The following GTF2F2 variants were observed in gnomAD, a reference collection of about 807,000 sequenced individuals.
The protein encoded by GTF2F2 is general transcription factor IIF subunit 2.
Under a neutral mutation model 42.2 loss-of-function variants are expected in GTF2F2, and 23 were observed. That is an observed-to-expected ratio of 0.55 (90% CI 0.39 to 0.77). The LOEUF (loss-of-function observed/expected upper bound fraction) is 0.77, where lower values mean the gene tolerates loss of function less well. Ranked by LOEUF, GTF2F2 falls within the 30% of genes least tolerant of loss-of-function variation. The pLI, the probability that GTF2F2 is intolerant of heterozygous loss-of-function variation, is 0.00. For synonymous variants in GTF2F2, 105 were observed against 100.8 expected (o/e 1.04, Z -0.25); for missense variants, 261 against 287.2 (o/e 0.91, Z 0.66).
In GTF2F2 at chr13:45,141,704, C is replaced by T. The variant is rs546964456; in HGVS notation, c.140+4898C>T. Among the ~76,000 whole-genome samples, 3 of 151,442 alleles carry T rather than the reference C, an allele frequency of 2.0e-5. No individual in the cohort carries two copies. The East Asian group carries it at 5.8e-4, about 29-fold the overall frequency. ...TAATACCTACTTTCTTGTTTTTTTTCCTTTAAAATTTTTACAAAATGAAAA... is the reference window on the plus strand; with the variant it reads ...TAATACCTACTTTCTTGTTTTTTTTTCTTTAAAATTTTTACAAAATGAAAA... On this transcript the variant is annotated intron_variant, in intron 2 of 7. Coordinates refer to ENST00000340473, the MANE Select transcript of GTF2F2 (RefSeq NM_004128.3).
intron 4 of GTF2F2, chr13:45,194,701 T>C (rs1293358414): frequency 3.8e-6 from 3 of 789,830 alleles, no homozygotes; most frequent in East Asian, 5.1e-5. Context: ...TCGCCTGCGC[T>C]GTCAGCTCGG....
At chr13:45,245,684 TATATATATATATATATACATATAC>T (rs1427763447) in intron 5 of GTF2F2, among the ~76,000 whole-genome samples, 75 of 69,792 alleles carry the variant, frequency 1.1e-3, no homozygotes, top group African/African-American at 2.4e-3. Flanking sequence ...TATATATATA[TATATATATATATATATACATATAC>T]ATACACACAC....
At chr13:45,147,979 G>T (rs540410881) in intron 2 of GTF2F2, among the ~76,000 whole-genome samples, 79 of 152,224 alleles carry the variant, frequency 5.2e-4, no homozygotes, top group African/African-American at 1.9e-3. Context: ...TGTTTTATTT[G>T]TAGTTGTTTA....
chr13:45,143,458 T>C (rs890410726), intron 2 of GTF2F2, among the ~76,000 whole-genome samples: 5 of 152,312 alleles, frequency 3.3e-5, no homozygotes, highest in Non-Finnish European at 5.9e-5. Flanking sequence ...GGAGATGATA[T>C]TAATACCTCA....
chr13:45,220,933 A>ATG (rs1217166794), intron 5 of GTF2F2: 6 of 138,890 alleles, frequency 4.3e-5, no homozygotes, highest in African/African-American at 1.7e-4. Context: ...TCTGCTTAAA[A>ATG]TGTATGTGTG....
At chr13:45,248,092 C>G (rs551458106) in intron 5 of GTF2F2, among the ~76,000 whole-genome samples, 2 of 152,278 alleles carry the variant, frequency 1.3e-5, no homozygotes, top group African/African-American at 4.8e-5. Context: ...ATCTGCCCAC[C>G]TCAGCCTCCC....
At chr13:45,148,321 A>G (rs1388100383) in intron 2 of GTF2F2, among the ~76,000 whole-genome samples, 1 of 152,210 alleles carries the variant, frequency 6.6e-6, no homozygotes, top group Non-Finnish European at 1.5e-5. Context: ...TGCCCAAAGA[A>G]TAAAGTCTGT....
intron 4 of GTF2F2, among the ~76,000 whole-genome samples, chr13:45,176,181 T>C (rs575288792): frequency 3.3e-5 from 5 of 152,350 alleles, no homozygotes; most frequent in African/African-American, 1.2e-4. Flanking sequence ...AAGTGTGGAC[T>C]TTGGTCACAG....
chr13:45,133,583 G>T (rs991616724), intron 1 of GTF2F2, among the ~76,000 whole-genome samples: 6 of 152,170 alleles, frequency 3.9e-5, no homozygotes, highest in African/African-American at 1.4e-4. Flanking sequence ...CTAAGTAGTG[G>T]AGTGGTCATA....
chr13:45,207,639 TA>T, intron 5 of GTF2F2, 134 bp downstream of exon 5: 1 of 573,776 alleles, frequency 1.7e-6, no homozygotes. Context: ...TGTTTGGTTT[TA>T]AAAGCAAGTA....
chr13:45,272,437 A>AAAC (rs1196324928), intron 7 of GTF2F2, among the ~76,000 whole-genome samples: 17 of 138,598 alleles, frequency 1.2e-4, no homozygotes, highest in African/African-American at 4.9e-4. Flanking sequence ...AAAAAAAAAA[A>AAAC]AAACAAAAAA....
chr13:45,228,096 A>G (rs1286941600), intron 5 of GTF2F2, among the ~76,000 whole-genome samples: 1 of 150,606 alleles, frequency 6.6e-6, no homozygotes, highest in Non-Finnish European at 1.5e-5. Flanking sequence ...ATTGGGCCAG[A>G]CTTACATTAG....
At chr13:45,254,571 A>T (rs1876021300) in intron 6 of GTF2F2, among the ~76,000 whole-genome samples, 1 of 152,202 alleles carries the variant, frequency 6.6e-6, no homozygotes, top group South Asian at 2.1e-4. Flanking sequence ...GGTAACAGGC[A>T]GAGAGACTGG....
chr13:45,241,987 C>T (rs1157046124), intron 5 of GTF2F2, among the ~76,000 whole-genome samples: 4 of 152,124 alleles, frequency 2.6e-5, no homozygotes, highest in Non-Finnish European at 4.4e-5. Context: ...GGATATAATA[C>T]ATTTACTTGT....
intron 5 of GTF2F2, among the ~76,000 whole-genome samples, chr13:45,238,218 C>G (rs1875090389): frequency 6.6e-6 from 1 of 152,134 alleles, no homozygotes; most frequent in Non-Finnish European, 1.5e-5. Flanking sequence ...GCCTCCCAAA[C>G]TGCTAGGATT....
At chr13:45,157,642 G>T (rs1285624369) in intron 4 of GTF2F2, among the ~76,000 whole-genome samples, 1 of 152,014 alleles carries the variant, frequency 6.6e-6, no homozygotes, top group East Asian at 1.9e-4. Flanking sequence ...TCTTTTTTTG[G>T]TGGGGAGAGA....
rs147700284 is a variant in GTF2F2, at chr13:45,219,885, T to C, written c.386+12380T>C. ...AAATCCCAAAGGAAGGAATTAATAA[T>C]GTTCAGGCAGAAACTTTTCAAACTG... is the stretch of plus-strand genomic sequence containing the variant. On this transcript the variant is annotated intron_variant, in intron 5 of 7. Coordinates refer to ENST00000340473, the MANE Select transcript of GTF2F2 (RefSeq NM_004128.3). 2.0e-4 allele frequency among the ~76,000 whole-genome samples: 31 copies of C among 152,340 alleles called. No homozygotes were observed. The East Asian group carries it at 6.0e-3, about 29-fold the overall frequency.
chr13:45,153,585 A>G (rs1870605973), intron 4 of GTF2F2, among the ~76,000 whole-genome samples: 1 of 152,152 alleles, frequency 6.6e-6, no homozygotes, highest in Non-Finnish European at 1.5e-5. Flanking sequence ...TTCAACAAAT[A>G]TTTATTGCGT....
At chr13:45,165,722 C>A (rs1488738477) in intron 4 of GTF2F2, among the ~76,000 whole-genome samples, 4 of 151,600 alleles carry the variant, frequency 2.6e-5, no homozygotes, top group Non-Finnish European at 5.9e-5. Context: ...ATACCCCAGT[C>A]ACTGCCTTTG....
Sources: gnomAD v4.1 joint callset for allele counts (sites outside exome capture counted in the v4.1 genomes callset) on GRCh38, gnomAD v4.1.1 for gene constraint, MANE v1.5 for transcripts, NCBI Gene and HGNC (gene_info 2026-07-23, HGNC 2026-07-21) for gene names.